The following SAMHD1 variants were observed in gnomAD, a reference collection of about 807,000 sequenced individuals.
The protein encoded by SAMHD1 is SAM and HD domain containing deoxynucleoside triphosphate triphosphohydrolase 1.
SAMHD1 carries 54 observed loss-of-function variants against 79.6 expected under a neutral mutation model. The observed-to-expected ratio is 0.68, with a 90% CI of 0.55 to 0.85. The LOEUF (loss-of-function observed/expected upper bound fraction) is 0.85. Among genes scored for constraint, SAMHD1 ranks in the 40% least tolerant of loss-of-function variants. The probability of loss-of-function intolerance (pLI) is 0.00; values close to 1 mark genes in which losing one functional copy is unlikely to be tolerated. For synonymous variants in SAMHD1, 260 were observed against 264.1 expected (o/e 0.98, Z 0.15); for missense variants, 663 against 782.7 (o/e 0.85, Z 1.82).
At chr20:36,890,145 G>C (rs1032133475), downstream of SAMHD1, 1 of 152,202 alleles carries the variant, frequency 6.6e-6, no homozygotes, top group Admixed American at 6.5e-5. Context: ...CACAATGAAG[G>C]TATGAAAGGA....
rs372761324 is a variant in SAMHD1 at position 36,916,341 on chromosome 20, C to G, written c.1062+381G>C. Among the ~76,000 whole-genome samples, 6 of 151,002 alleles carry G rather than the reference C, an allele frequency of 4.0e-5. No individual in the cohort carries two copies. The East Asian group carries it at 1.2e-3, about 30-fold the overall frequency. Reference sequence around the variant, plus strand: ...TCCGTCCAAAGCACTTAAAATGATGCCTCATACAAGCCAGGCATGATAGTG... The same window carrying G: ...TCCGTCCAAAGCACTTAAAATGATGGCTCATACAAGCCAGGCATGATAGTG... On this transcript the variant is annotated intron_variant, in intron 9 of 15. Transcript: ENST00000646673.
chr20:36,941,535 T>C (rs951936198), intron 2 of SAMHD1, among the ~76,000 whole-genome samples: 1 of 152,190 alleles, frequency 6.6e-6, no homozygotes, highest in Admixed American at 6.6e-5. Flanking sequence ...TTTATTTATA[T>C]TCATTTTCCA....
intron 9 of SAMHD1, among the ~76,000 whole-genome samples, chr20:36,913,334 T>C (rs2063456558): frequency 6.6e-6 from 1 of 150,938 alleles, no homozygotes; most frequent in Admixed American, 6.6e-5. Flanking sequence ...CCAGGTGCGA[T>C]GGCTCATGCC....
At chr20:36,929,430 C>G (rs1167023577) in intron 5 of SAMHD1, among the ~76,000 whole-genome samples, 1 of 152,026 alleles carries the variant, frequency 6.6e-6, no homozygotes, top group Non-Finnish European at 1.5e-5. Flanking sequence ...TAAAAACCCC[C>G]ATGATTTAAA....
intron 7 of SAMHD1, among the ~76,000 whole-genome samples, chr20:36,918,815 A>G (rs1448933757): frequency 2.7e-5 from 4 of 150,032 alleles, no homozygotes; most frequent in Non-Finnish European, 5.9e-5. Context: ...AAAAAAAAAA[A>G]AAAAAAAAAG....
chr20:36,908,563 AC>A (rs1327089535), intron 11 of SAMHD1, among the ~76,000 whole-genome samples: 1 of 152,124 alleles, frequency 6.6e-6, no homozygotes, highest in African/African-American at 2.4e-5. Context: ...GATTGAATTT[AC>A]TGAAAGGTGT....
chr20:36,947,773 TCCTCCTGCCTCAG>T (rs750458243), intron 1 of SAMHD1, among the ~76,000 whole-genome samples: 169 of 152,078 alleles, frequency 1.1e-3, no homozygotes, highest in Non-Finnish European at 2.0e-3. Flanking sequence ...GCTCAAGCGA[TCCTCCTGCCTCAG>T]CCTCCTGAGT....
intron 11 of SAMHD1, among the ~76,000 whole-genome samples, chr20:36,906,815 A>G (rs1409216268): frequency 6.7e-6 from 1 of 150,268 alleles, no homozygotes; most frequent in Non-Finnish European, 1.5e-5. Flanking sequence ...TTTTTGAGAC[A>G]GAGTCTTGCT....
chr20:36,923,949 T>G (rs1906989476), intron 6 of SAMHD1, among the ~76,000 whole-genome samples: 2 of 152,078 alleles, frequency 1.3e-5, no homozygotes, highest in Admixed American at 6.6e-5. Flanking sequence ...AGGCTCAAGT[T>G]TTTAAACAAA....
At chr20:36,931,907 T>C (rs1317671916) in intron 4 of SAMHD1, among the ~76,000 whole-genome samples, 1 of 151,972 alleles carries the variant, frequency 6.6e-6, no homozygotes, top group East Asian at 1.9e-4. Flanking sequence ...TTATGCTAAG[T>C]GAAATAAGCC....
intron 15 of SAMHD1, 107 bp downstream of exon 15, chr20:36,897,715 C>G (rs936400631): frequency 7.9e-7 from 1 of 1,267,842 alleles, no homozygotes; most frequent in Non-Finnish European, 1.1e-6. Context: ...AAAACCATAA[C>G]CAAATGACTA....
In SAMHD1 at chr20:36,907,539, CTT is replaced by C. The variant is rs71186087; in HGVS notation, c.1271-2038_1271-2037del. The stretch of plus-strand genomic sequence containing the variant: ...TGCCGCCACACCTGGATAAAGATGA[CTT>C]TTTTTTTTTTTTTTTTTTTAGACAG... On this transcript the variant is annotated intron_variant, in intron 11 of 15. Coordinates refer to ENST00000646673, the MANE Select transcript of SAMHD1 (RefSeq NM_015474.4). Among the ~76,000 whole-genome samples the C allele has an allele frequency of 2.1e-3, 264 of 125,836 alleles. 3 individuals are homozygous for C. Among genetic ancestry groups the C allele is most frequent in the African/African-American group, 6.7e-3 (221 of 33,226 alleles). The allele number at this position is 125,836 out of a possible 152,430, so 82.6% of individuals were successfully genotyped here.
chr20:36,917,223 A>C (rs1664240920), intron 7 of SAMHD1, 174 bp from the exon 8 acceptor site: 9 of 628,382 alleles, frequency 1.4e-5, no homozygotes, highest in Non-Finnish European at 2.6e-5. Flanking sequence ...AAACTAGTAG[A>C]AAGGGAAAAG....
At chr20:36,916,862 T>C in intron 8 of SAMHD1, 32 bp from the exon 9 acceptor site, 1 of 1,600,324 alleles carries the variant, frequency 6.2e-7, no homozygotes, top group African/African-American at 1.3e-5. Context: ...GAGATGAAAT[T>C]TTTCAACAAG....
At chr20:36,928,522 T>C (rs972271481) in intron 5 of SAMHD1, among the ~76,000 whole-genome samples, 6 of 151,286 alleles carry the variant, frequency 4.0e-5, no homozygotes, top group African/African-American at 1.2e-4. Context: ...CTGTTTCTAC[T>C]AAAAATACAA....
chr20:36,915,741 A>G (rs1243326822), intron 9 of SAMHD1, among the ~76,000 whole-genome samples: 2 of 151,750 alleles, frequency 1.3e-5, no homozygotes, highest in African/African-American at 4.8e-5. Flanking sequence ...CATCTCCAAA[A>G]AAAAAAAAAG....
chr20:36,945,880 G>A (rs1204606149), intron 2 of SAMHD1, among the ~76,000 whole-genome samples: 1 of 151,680 alleles, frequency 6.6e-6, no homozygotes, highest in African/African-American at 2.4e-5. Flanking sequence ...CTCCAGTCTG[G>A]GTGACAGAGT....
chr20:36,935,406 A>G, intron 3 of SAMHD1: 1 of 557,282 alleles, frequency 1.8e-6, no homozygotes, highest in Non-Finnish European at 3.2e-6. Flanking sequence ...ACTTCTTCCT[A>G]ATGGATGTGA....
chr20:36,935,299 G>A, intron 3 of SAMHD1, 110 bp from the exon 4 acceptor site: 1 of 861,080 alleles, frequency 1.2e-6, no homozygotes, highest in Non-Finnish European at 1.9e-6. Context: ...GATTTTTCAA[G>A]TAAAAATACT....
Sources: gnomAD v4.1 joint callset for allele counts (sites outside exome capture counted in the v4.1 genomes callset) on GRCh38, gnomAD v4.1.1 for gene constraint, MANE v1.5 for transcripts, NCBI Gene and HGNC (gene_info 2026-07-23, HGNC 2026-07-21) for gene names.